The following CCDC146 variants were observed in gnomAD, a reference collection of about 807,000 sequenced individuals.
The protein encoded by CCDC146 is coiled-coil domain containing 146, also known as coiled-coil domain-containing protein 146.
CCDC146 carries 92 observed loss-of-function variants against 119.3 expected under a neutral mutation model. That is an observed-to-expected ratio of 0.77 (90% CI 0.65 to 0.92). The LOEUF is 0.92. Among genes scored for constraint, CCDC146 ranks in the 40% least tolerant of loss-of-function variants. CCDC146 has a pLI of 0.00. For missense variants in CCDC146, 1,000 were observed against 1,103.0 expected (o/e 0.91, Z 1.32); for synonymous variants, 372 against 371.8 (o/e 1.00, Z -0.01).
chr7:77,260,335 A>C, intron 8 of CCDC146, 99 bp downstream of exon 8: 1 of 793,484 alleles, frequency 1.3e-6, no homozygotes. Flanking sequence ...GTTAATAAAT[A>C]TTTAAAAATA....
intron 6 of CCDC146, among the ~76,000 whole-genome samples, chr7:77,257,737 CT>C (rs1442845289): frequency 6.6e-6 from 1 of 152,196 alleles, no homozygotes; most frequent in Non-Finnish European, 1.5e-5. Context: ...TGTGTTACCC[CT>C]GGCTCCAAAG....
At chr7:77,218,870 C>A (rs1049919364) in intron 2 of CCDC146, among the ~76,000 whole-genome samples, 6 of 151,944 alleles carry the variant, frequency 3.9e-5, no homozygotes, top group African/African-American at 1.5e-4. Flanking sequence ...CCATGCCTGG[C>A]CCCAATTTTT....
At chr7:77,266,853 C>G (rs894756867) in intron 9 of CCDC146, among the ~76,000 whole-genome samples, 2 of 152,096 alleles carry the variant, frequency 1.3e-5, no homozygotes, top group African/African-American at 4.8e-5. Flanking sequence ...TTCAATGGAT[C>G]CTTAATTCAC....
Position 77,282,657 on chromosome 7 carries a change from C to A in CCDC146, c.2020C>A (p.Leu674Ile), listed in dbSNP as rs150213698. The change falls in exon 15 of 19, where the codon CTA becomes ATA. Residue 674 changes from leucine to isoleucine, a missense_variant. This residue lies in a region of CCDC146 where 985 missense variants were observed against 1,045.3 expected (regional missense o/e 0.94). Coordinates refer to ENST00000285871, the MANE Select transcript of CCDC146 (RefSeq NM_020879.3). The stretch of plus-strand genomic sequence containing the variant: ...ACTAAATGGAGAAATTGAAATACAT[C>A]TACTGGAAGAAAAGATCCAATTCCT... ...MKLNGEIEIH[L>I]LEEKIQFLKM... is the part of the protein sequence containing the mutation. 1 of 1,612,048 alleles carries A rather than the reference C, an allele frequency of 6.2e-7. No individual in the cohort carries two copies. The highest frequency in any genetic ancestry group is 8.5e-7 in the Non-Finnish European group (1 of 1,178,226).
intron 14 of CCDC146, among the ~76,000 whole-genome samples, chr7:77,281,125 A>AAG (rs1554362198): frequency 1.6e-4 from 23 of 143,608 alleles, no homozygotes; most frequent in African/African-American, 6.0e-4. Context: ...AAAAAAAAAA[A>AAG]AGAGAGAAAG....
chr7:77,191,071 A>G (rs1219561300), intron 2 of CCDC146, among the ~76,000 whole-genome samples: 3 of 152,158 alleles, frequency 2.0e-5, no homozygotes, highest in African/African-American at 7.2e-5. Context: ...GTCCTATAGT[A>G]TACAGTAAGT....
At chr7:77,220,954 G>A (rs571265423) in intron 2 of CCDC146, among the ~76,000 whole-genome samples, 22 of 152,302 alleles carry the variant, frequency 1.4e-4, no homozygotes, top group African/African-American at 5.3e-4. Flanking sequence ...GGCTGTACAG[G>A]AAGCATGGAG....
intron 2 of CCDC146, among the ~76,000 whole-genome samples, chr7:77,208,454 C>T (rs527382181): frequency 1.3e-5 from 2 of 152,262 alleles, no homozygotes; most frequent in African/African-American, 4.8e-5. Context: ...CTGTATACAA[C>T]TGTAACACAA....
At chr7:77,240,784 G>A (rs2150487833) in intron 3 of CCDC146, among the ~76,000 whole-genome samples, 1 of 152,118 alleles carries the variant, frequency 6.6e-6, no homozygotes, top group Admixed American at 6.5e-5. Context: ...TCAAAACTAG[G>A]AAGTTAACAT....
At chr7:77,191,239 G>C (rs11772737) in intron 2 of CCDC146, among the ~76,000 whole-genome samples, 2 of 152,180 alleles carry the variant, frequency 1.3e-5, no homozygotes, top group Non-Finnish European at 2.9e-5. Context: ...CTGTTTCTGA[G>C]AACCTATCAA....
intron 4 of CCDC146, among the ~76,000 whole-genome samples, chr7:77,245,049 ATT>A (rs1024384705): frequency 2.0e-5 from 3 of 152,202 alleles, no homozygotes; most frequent in African/African-American, 7.2e-5. Context: ...TAGAGAAAGG[ATT>A]TTACTGTGTA....
At chr7:77,286,992 G>C in intron 16 of CCDC146, 66 bp downstream of exon 16, 2 of 1,553,546 alleles carry the variant, frequency 1.3e-6, no homozygotes, top group Non-Finnish European at 1.8e-6. Flanking sequence ...AGATACCTAT[G>C]GTACTGTTTC....
intron 1 of CCDC146, among the ~76,000 whole-genome samples, chr7:77,130,627 T>C (rs1157780877): frequency 6.8e-6 from 1 of 147,898 alleles, no homozygotes; most frequent in Non-Finnish European, 1.5e-5. Flanking sequence ...GAGACGGAGT[T>C]TCGCTCTGTC....
chr7:77,178,144 G>T (rs1028250663), intron 2 of CCDC146, among the ~76,000 whole-genome samples: 33 of 152,212 alleles, frequency 2.2e-4, no homozygotes, highest in African/African-American at 6.8e-4. Flanking sequence ...CTGCAGAAGA[G>T]GTCAGGGTAA....
intron 9 of CCDC146, among the ~76,000 whole-genome samples, chr7:77,268,577 A>G (rs1008808060): frequency 5.9e-5 from 9 of 152,060 alleles, no homozygotes; most frequent in Non-Finnish European, 1.5e-5. Context: ...GGTCTCATCT[A>G]TTTTATTCTC....
At chr7:77,175,150 C>G (rs971523929) in intron 2 of CCDC146, among the ~76,000 whole-genome samples, 5 of 151,440 alleles carry the variant, frequency 3.3e-5, no homozygotes, top group African/African-American at 9.8e-5. Context: ...CTGAACTTTT[C>G]CAAGACTTGG....
chr7:77,237,089 G>C, intron 3 of CCDC146, 60 bp downstream of exon 3: 1 of 1,348,932 alleles, frequency 7.4e-7, no homozygotes, highest in South Asian at 1.2e-5. Flanking sequence ...TACTGGTGAT[G>C]AGACCTGTCT....
chr7:77,146,541 C>G (rs1415091431), intron 1 of CCDC146, among the ~76,000 whole-genome samples: 1 of 152,142 alleles, frequency 6.6e-6, no homozygotes, highest in Non-Finnish European at 1.5e-5. Context: ...TTTGCAGTGG[C>G]TCATACCAGT....
intron 5 of CCDC146, among the ~76,000 whole-genome samples, chr7:77,255,634 A>T (rs1300171810): frequency 3.3e-5 from 5 of 152,232 alleles, no homozygotes; most frequent in African/African-American, 1.2e-4. Flanking sequence ...GGAGCTATGC[A>T]GAAAGCCCAG....
Sources: gnomAD v4.1 joint callset for allele counts (sites outside exome capture counted in the v4.1 genomes callset) on GRCh38, gnomAD v4.1.1 for gene constraint, gnomAD v4.1.1 regional missense constraint, MANE v1.5 for transcripts, NCBI Gene and HGNC (gene_info 2026-07-23, HGNC 2026-07-21) for gene names.